Variants in POP1 observed in about 807,000 individuals in gnomAD.
The protein encoded by POP1 is POP1 ribonuclease P/MRP subunit.
Under a neutral mutation model 102.2 loss-of-function variants are expected in POP1, and 75 were observed. The ratio of observed to expected loss-of-function variants is 0.73; its 90% confidence interval spans 0.61 to 0.89. The LOEUF is 0.89. POP1 is among the 40% of genes least tolerant of loss of function. The pLI is 0.00. For synonymous variants in POP1, 436 were observed against 464.1 expected, an observed-to-expected ratio of 0.94 and a Z score of 0.78; for missense variants, 1,116 against 1,267.4, an observed-to-expected ratio of 0.88 and a Z score of 1.81.
rs774234154 is a variant in POP1, at chr8:98,130,034, T to C, written c.543T>C (p.Ala181=). Residue 181 remains alanine, a synonymous_variant, in exon 5 of 16, where the codon GCT becomes GCC. Transcript: ENST00000401707. ...ATTCAAAAAATAAATGCCATAAAGCTCGAAGATGTCACATGAACCGGACGC... is the reference window on the plus strand; with the variant it reads ...ATTCAAAAAATAAATGCCATAAAGCCCGAAGATGTCACATGAACCGGACGC... ...KEHSKNKCHK[A]RRCHMNRTLE... is the part of the protein sequence containing the mutation. The C allele has an allele frequency of 1.9e-6, 3 of 1,613,972 alleles. No individual in the cohort carries two copies. Among genetic ancestry groups the C allele is most frequent in the East Asian group, 2.2e-5 (1 of 44,886 alleles).
intron 14 of POP1, among the ~76,000 whole-genome samples, chr8:98,151,096 G>T (rs9969548): frequency 0.13 from 18,968 of 151,604 alleles, 1,279 homozygotes; most frequent in Middle Eastern, 0.25. Context: ...TTGTTTGTTT[G>T]TTTTTTGAGA....
Position 98,136,859 on chromosome 8 carries a change from A to C in POP1, c.1269-2A>C. ...CATTTTAAGATGTTCTTTCTTTTTC[A>C]GCGATTTGACGATGGAGATGAACAG... On this transcript the variant is annotated splice_acceptor_variant, in intron 8 of 15. Coordinates refer to ENST00000401707, the MANE Select transcript of POP1 (RefSeq NM_001145860.2). LOFTEE classifies it high-confidence loss of function. 1 of 1,613,496 alleles carries C rather than the reference A, an allele frequency of 6.2e-7. No homozygotes were observed. Among genetic ancestry groups the C allele is most frequent in the South Asian group, 1.1e-5 (1 of 91,078 alleles).
chr8:98,121,429 A>G (rs1165332879), intron 1 of POP1, among the ~76,000 whole-genome samples: 3 of 151,922 alleles, frequency 2.0e-5, no homozygotes, highest in African/African-American at 7.2e-5. Context: ...GGCAGGGACC[A>G]GGGATATTAG....
At chr8:98,119,220 T>C (rs1815942810) in intron 1 of POP1, among the ~76,000 whole-genome samples, 2 of 152,278 alleles carry the variant, frequency 1.3e-5, no homozygotes, top group South Asian at 4.1e-4. Context: ...TTTAAGTTTT[T>C]AAATAAGAAG....
chr8:98,155,925 GTGTGTGTGT>G (rs1809635628), intron 14 of POP1, 116 bp from the exon 15 acceptor site: 3 of 694,266 alleles, frequency 4.3e-6, no homozygotes, highest in Non-Finnish European at 7.2e-6. Context: ...GTGTGTGTGT[GTGTGTGTGT>G]GTGTGTGTGT....
At chr8:98,132,217 G>A (rs1311254680) in intron 5 of POP1, among the ~76,000 whole-genome samples, 3 of 152,180 alleles carry the variant, frequency 2.0e-5, no homozygotes, top group Non-Finnish European at 2.9e-5. Flanking sequence ...AGAATAGTAC[G>A]AAGTAAGGAG....
At position 98,117,339 on chromosome 8, in the gene POP1, T is replaced by G; in HGVS notation, c.-54T>G. On this transcript the variant is annotated 5_prime_UTR_variant, in exon 1 of 16. Transcript: ENST00000401707. The stretch of plus-strand genomic sequence containing the variant: ...CCAGGAGCTTTGGCTCGGTGGGTAC[T>G]GTCGCGGAGGCTTGTCATTCTGACC... 1.8e-6 allele frequency: 1 copy of G among 544,318 alleles called. No homozygotes were observed. The allele number at this position is 544,318 out of a possible 1,614,324, so 33.7% of individuals were successfully genotyped here.
chr8:98,154,790 T>A (rs1030853248), intron 14 of POP1, among the ~76,000 whole-genome samples: 1 of 152,180 alleles, frequency 6.6e-6, no homozygotes, highest in Admixed American at 6.5e-5. Flanking sequence ...TAGGGCATAT[T>A]CATTCAGTAG....
At chr8:98,152,995 G>A (rs750645493) in intron 14 of POP1, among the ~76,000 whole-genome samples, 2 of 115,938 alleles carry the variant, frequency 1.7e-5, no homozygotes, top group Middle Eastern at 5.3e-3. Context: ...TTTTTGAGAC[G>A]GTCTCGCTCT....
At position 98,158,421 on chromosome 8, in the gene POP1, T is replaced by C; in HGVS notation, c.*150T>C. On this transcript the variant is annotated 3_prime_UTR_variant, in exon 16 of 16. Transcript: ENST00000401707. Reference sequence around the variant, plus strand: ...ATTATGTATTATGCAGATGATGAAATGTTTACATCATTCCAGTAATGTCAT... The same window carrying C: ...ATTATGTATTATGCAGATGATGAAACGTTTACATCATTCCAGTAATGTCAT... 9 of 800,276 alleles carry C rather than the reference T, an allele frequency of 1.1e-5. No homozygotes were observed. Among genetic ancestry groups the C allele is most frequent in the Non-Finnish European group, 1.8e-5 (9 of 489,450 alleles). The allele number at this position is 800,276 out of a possible 1,614,324, so 49.6% of individuals were successfully genotyped here.
At chr8:98,125,705 T>C (rs1230146128) in intron 2 of POP1, among the ~76,000 whole-genome samples, 1 of 152,010 alleles carries the variant, frequency 6.6e-6, no homozygotes. Context: ...CACACCCAGC[T>C]AATTTTTTGT....
rs1012146609 is a variant in POP1 at position 98,140,157 on chromosome 8, G to C, written c.1442G>C (p.Cys481Ser). 5 of 1,613,920 alleles carry C rather than the reference G, an allele frequency of 3.1e-6. No homozygotes were observed. The highest frequency in any genetic ancestry group is 1.1e-5 in the South Asian group (1 of 91,080). Residue 481 changes from cysteine (C) to serine (S), a missense_variant, in exon 10 of 16, where the codon TGC becomes TCC. Physicochemically the swap from Cys to Ser is moderately radical, Grantham distance 112. Coordinates refer to ENST00000401707, the MANE Select transcript of POP1 (RefSeq NM_001145860.2). Reference sequence around the variant, plus strand: ...AAACCTGACAGCGTTTCCCTTCATTGCAGACAAGAAGCCATTTTCGAGTTG... The same window carrying C: ...AAACCTGACAGCGTTTCCCTTCATTCCAGACAAGAAGCCATTTTCGAGTTG... ...CKKPDSVSLH[C>S]RQEAIFELLG...
chr8:98,149,113 A>C (rs376793854), intron 13 of POP1, 107 bp downstream of exon 13: 2 of 1,104,136 alleles, frequency 1.8e-6, no homozygotes, highest in Non-Finnish European at 2.7e-6. Flanking sequence ...GGAGGAATTG[A>C]GTGGTGTATT....
chr8:98,156,053 C>T lies in POP1; in HGVS notation c.2061C>T (p.Arg687=). The part of the protein sequence containing the change: ...AKNLLEKYKR[R]PPAKRPNYVK... Reference sequence around the variant, plus strand: ...TCTCCTGTATGTTTTTCTTTAGACGCCCTCCTGCAAAACGGCCCAACTACG... The same window carrying T: ...TCTCCTGTATGTTTTTCTTTAGACGTCCTCCTGCAAAACGGCCCAACTACG... The change falls in exon 15 of 16, where the codon CGC becomes CGT. Residue 687 remains arginine (R), a synonymous_variant. Transcript: ENST00000401707. 1 of 1,613,350 alleles carries T rather than the reference C, an allele frequency of 6.2e-7. No individual in the cohort carries two copies. The highest frequency in any genetic ancestry group is 1.1e-5 in the South Asian group (1 of 91,044).
At chr8:98,134,173 T>C (rs1444838811) in intron 6 of POP1, 137 bp downstream of exon 6, 2 of 756,406 alleles carry the variant, frequency 2.6e-6, no homozygotes, top group South Asian at 1.6e-5. Flanking sequence ...CCAATGAAAA[T>C]GTTAACTTAA....
chr8:98,128,301 C>G (rs1816270705), intron 3 of POP1, 64 bp from the exon 4 acceptor site: 1 of 1,515,262 alleles, frequency 6.6e-7, no homozygotes, highest in South Asian at 1.1e-5. Context: ...TCCCCAGCAG[C>G]CTGTTTATTC....
rs1426244876 is a variant in POP1, at chr8:98,146,684, G to A, written c.1710+1G>A. Reference sequence around the variant, plus strand: ...CACAGAGAATAAAATCTCGGATCAGGTAACTAATAGTGTAAGGGTTATTGG... The same window carrying A: ...CACAGAGAATAAAATCTCGGATCAGATAACTAATAGTGTAAGGGTTATTGG... On this transcript the variant is annotated splice_donor_variant, in intron 12 of 15. Transcript: ENST00000401707. LOFTEE classifies it high-confidence loss of function. 1.3e-6 allele frequency: 2 copies of A among 1,581,282 alleles called. No homozygotes were observed. The highest frequency in any genetic ancestry group is 3.3e-5 in the Admixed American group (2 of 59,986).
At chr8:98,131,927 G>A (rs1816394116) in intron 5 of POP1, among the ~76,000 whole-genome samples, 1 of 152,184 alleles carries the variant, frequency 6.6e-6, no homozygotes, top group Non-Finnish European at 1.5e-5. Context: ...GGGTTCTGGA[G>A]AGATGAAGTG....
chr8:98,158,108 A>G lies in POP1; in HGVS notation c.2912A>G (p.Asp971Gly), dbSNP rs1288563356. The G allele has an allele frequency of 6.2e-7, 1 of 1,604,684 alleles. No individual in the cohort carries two copies. Among genetic ancestry groups the G allele is most frequent in the Non-Finnish European group, 8.5e-7 (1 of 1,176,058 alleles). Residue 971 changes from aspartate to glycine, a missense_variant, in exon 16 of 16, where the codon GAT becomes GGT. Transcript: ENST00000401707. ...CTCCTAGGCTTTGTGACTCAGGGAG[A>G]TTTTTCCATGGCTGTTGGCTGTGGA... ...RTLLGFVTQG[D>G]FSMAVGCGEA... is the part of the protein sequence containing the mutation.
Sources: allele counts gnomAD v4.1 joint callset (sites outside exome capture counted in the v4.1 genomes callset), GRCh38; gene constraint gnomAD v4.1.1; transcripts MANE v1.5; gene names NCBI Gene and HGNC (gene_info 2026-07-23, HGNC 2026-07-21).